DNAJC21: variants seen among roughly 807,000 people sequenced by gnomAD.
DNAJC21 encodes the protein DnaJ heat shock protein family (Hsp40) member C21.
In DNAJC21, 63 loss-of-function variants were observed where a neutral mutation model predicts 72.4. That is an observed-to-expected ratio of 0.87 (90% CI 0.71 to 1.07). The LOEUF (loss-of-function observed/expected upper bound fraction) is 1.07. DNAJC21 is among the 50% of genes least tolerant of loss of function. The pLI, the probability that DNAJC21 is intolerant of heterozygous loss-of-function variation, is 0.00. For synonymous variants in DNAJC21, 203 were observed against 216.7 expected, an observed-to-expected ratio of 0.94 and a Z score of 0.56; for missense variants, 634 against 644.8, an observed-to-expected ratio of 0.98 and a Z score of 0.18.
rs149607167 is a variant in DNAJC21, at chr5:34,955,406, A to G, written c.*692A>G. 1.4e-4 allele frequency: 22 copies of G among 152,378 alleles called. No individual in the cohort carries two copies. In the East Asian group the frequency reaches 4.0e-3, roughly 28 times the overall value. 9.4% of individuals were successfully genotyped at this position (152,378 alleles called of 1,614,324 possible). A position where few individuals can be genotyped will look rare whatever the true frequency, so the allele number is the denominator to read the frequency against. On this transcript the variant is annotated 3_prime_UTR_variant, in exon 12 of 12. Coordinates refer to ENST00000648817, the MANE Select transcript of DNAJC21 (RefSeq NM_001012339.3). ...GTGGAAGCAAATTAGTTTACATGGC[A>G]TGTCCTCCCTAGGCACAGTGACAGC...
chr5:34,941,868 T>C (rs1307556530), intron 7 of DNAJC21, among the ~76,000 whole-genome samples: 3 of 151,666 alleles, frequency 2.0e-5, no homozygotes, highest in East Asian at 1.9e-4. Flanking sequence ...CGCCTGGCCC[T>C]TGTGTTTTTT....
At position 34,956,386 on chromosome 5, in the gene DNAJC21, C is replaced by T. The variant is rs1765539934; in HGVS notation, c.*1672C>T. The T allele has an allele frequency of 6.6e-6, 1 of 152,028 alleles. No individual in the cohort carries two copies. Among genetic ancestry groups the T allele is most frequent in the African/African-American group, 2.4e-5 (1 of 41,360 alleles). The allele number at this position is 152,028 out of a possible 1,614,324, so 9.4% of individuals were successfully genotyped here. ...ATACCTTTCTATTTCTTGCTAATTTCTATCACTAATTCCTTATAATTGTCC... is the reference window on the plus strand; with the variant it reads ...ATACCTTTCTATTTCTTGCTAATTTTTATCACTAATTCCTTATAATTGTCC... On this transcript the variant is annotated 3_prime_UTR_variant, in exon 12 of 12. Transcript: ENST00000648817.
intron 8 of DNAJC21, 36 bp from the exon 9 acceptor site, chr5:34,945,725 C>T (rs201912501): frequency 2.9e-4 from 448 of 1,533,830 alleles, no homozygotes; most frequent in Non-Finnish European, 3.4e-4. Context: ...TTCACAGAGT[C>T]AAGTATTTGA....
chr5:34,929,755 T>G lies in DNAJC21; in HGVS notation c.-65T>G. 1 of 860,320 alleles carries G rather than the reference T, an allele frequency of 1.2e-6. No homozygotes were observed. Among genetic ancestry groups the G allele is most frequent in the Admixed American group, 6.2e-5 (1 of 16,142 alleles). The allele number at this position is 860,320 out of a possible 1,614,324, so 53.3% of individuals were successfully genotyped here. A position where few individuals can be genotyped will look rare whatever the true frequency, so the allele number is the denominator to read the frequency against. On this transcript the variant is annotated 5_prime_UTR_variant, in exon 1 of 12. Transcript: ENST00000648817. ...TGCCAGCGCCGCCGCCGCCGCCGCT[T>G]CGGCCCGGGCCCGGGCCCCGACCCC...
chr5:34,929,607 C>T lies in DNAJC21; in HGVS notation c.-213C>T. The stretch of plus-strand genomic sequence containing the variant: ...CCGCCCCCGCCGCGCTCCCGCTTGC[C>T]GCAGCCTGCGTCGTCTGCCGCCACC... On this transcript the variant is annotated 5_prime_UTR_variant, in exon 1 of 12. Coordinates refer to ENST00000648817, the MANE Select transcript of DNAJC21 (RefSeq NM_001012339.3). 6.5e-6 allele frequency: 1 copy of T among 154,600 alleles called. No individual in the cohort carries two copies. The highest frequency in any genetic ancestry group is 1.8e-4 in the South Asian group (1 of 5,692). The allele number at this position is 154,600 out of a possible 1,614,324, so 9.6% of individuals were successfully genotyped here. A position where few individuals can be genotyped will look rare whatever the true frequency, so the allele number is the denominator to read the frequency against.
Position 34,948,396 on chromosome 5 carries a change from A to G in DNAJC21, c.1186-1774A>G, listed in dbSNP as rs148705771. 4.6e-3 allele frequency among the ~76,000 whole-genome samples: 708 copies of G among 152,354 alleles called. 7 individuals carry two copies. The highest frequency in any genetic ancestry group is 0.016 in the African/African-American group (686 of 41,578). On this transcript the variant is annotated intron_variant, in intron 9 of 11. Transcript: ENST00000648817. ...GGAACGTGAGCCTAGAGCATCTTAT[A>G]CTAGAAACTAAGGAAGTGCTCAAAA... is the stretch of plus-strand genomic sequence containing the variant.
In DNAJC21 at chr5:34,954,097, C is replaced by T. The variant is rs977869386; in HGVS notation, c.1434+96C>T. 1.7e-5 allele frequency: 18 copies of T among 1,075,234 alleles called. 1 individual carries two copies. Among genetic ancestry groups the T allele is most frequent in the South Asian group, 1.2e-4 (6 of 49,540 alleles). 66.6% of individuals were successfully genotyped at this position (1,075,234 alleles called of 1,614,324 possible). A position where few individuals can be genotyped will look rare whatever the true frequency, so the allele number is the denominator to read the frequency against. On this transcript the variant is annotated intron_variant, in intron 11 of 11. Transcript: ENST00000648817. ...GAAATGTGTATTTGGTGAGCCATTCCGCAAAGAGCCTGCAAAGATGTGGAT... is the reference window on the plus strand; with the variant it reads ...GAAATGTGTATTTGGTGAGCCATTCTGCAAAGAGCCTGCAAAGATGTGGAT...
At chr5:34,949,379 A>G (rs1765279488) in intron 9 of DNAJC21, among the ~76,000 whole-genome samples, 1 of 152,190 alleles carries the variant, frequency 6.6e-6, no homozygotes, top group Non-Finnish European at 1.5e-5. Context: ...AAGGTACCTG[A>G]CAACTAAATG....
rs775119204 is a variant in DNAJC21, at chr5:34,954,563, T to C, written c.1445T>C (p.Ile482Thr). ...TTTTGCCCTTCTCAGAGTGTTCTTA[T>C]CAGCTGTACAACCTGCCATAGTGAA... ...PAEPQTMSVL[I>T]SCTTCHSEFP... The change falls in exon 12 of 12, where the codon ATC becomes ACC. Residue 482 changes from isoleucine (I) to threonine (T), a missense_variant. Transcript: ENST00000648817. 26 of 1,609,264 alleles carry C rather than the reference T, an allele frequency of 1.6e-5. No homozygotes were observed. The highest frequency in any genetic ancestry group is 1.7e-4 in the Middle Eastern group (1 of 6,056).
intron 2 of DNAJC21, among the ~76,000 whole-genome samples, chr5:34,934,310 C>T (rs1764697296): frequency 6.6e-6 from 1 of 151,838 alleles, no homozygotes; most frequent in South Asian, 2.1e-4. Context: ...CTCACTGCAA[C>T]CTCTGCCTCC....
At chr5:34,929,937 C>A in intron 1 of DNAJC21, 21 bp downstream of exon 1, 1 of 1,542,152 alleles carries the variant, frequency 6.5e-7, no homozygotes, top group Non-Finnish European at 8.8e-7. Flanking sequence ...GTCCCGCAGC[C>A]CCCGCGGCCA....
chr5:34,950,085 T>C lies in DNAJC21; in HGVS notation c.1186-85T>C, dbSNP rs182105640. ...GCTTCTCCTTTTTATTTCCCGAAGG[T>C]ATATAACTATTTGGCAACATAACAT... On this transcript the variant is annotated intron_variant, in intron 9 of 11. Transcript: ENST00000648817. 1.3e-4 allele frequency: 184 copies of C among 1,409,432 alleles called. No individual in the cohort carries two copies. In the African/African-American group the frequency reaches 2.5e-3, roughly 19 times the overall value. 87.3% of individuals were successfully genotyped at this position (1,409,432 alleles called of 1,614,324 possible).
At chr5:34,952,288 G>T in intron 10 of DNAJC21, 2 of 968,602 alleles carry the variant, frequency 2.1e-6, no homozygotes, top group Non-Finnish European at 2.5e-6. Context: ...ATGATAGTTT[G>T]AAAATTAGTA....
intron 11 of DNAJC21, 96 bp from the exon 12 acceptor site, chr5:34,954,457 T>A: frequency 7.2e-7 from 1 of 1,396,606 alleles, no homozygotes; most frequent in South Asian, 1.5e-5. Context: ...ATCTTTATTT[T>A]ACAATTGTTT....
intron 10 of DNAJC21, 178 bp downstream of exon 10, chr5:34,950,520 G>A: frequency 1.6e-6 from 2 of 1,251,906 alleles, no homozygotes; most frequent in African/African-American, 1.5e-5. Context: ...GCGTTGAGAA[G>A]AGGATGCTAG....
At chr5:34,930,976 CAG>C (rs1713063021) in intron 1 of DNAJC21, among the ~76,000 whole-genome samples, 1 of 151,820 alleles carries the variant, frequency 6.6e-6, no homozygotes, top group Non-Finnish European at 1.5e-5. Context: ...TTCCCCTTCT[CAG>C]AGGAGTTTGG....
In DNAJC21 at chr5:34,950,190, T is replaced by A; in HGVS notation, c.1206T>A (p.Asn402Lys). The change falls in exon 10 of 12, where the codon AAT becomes AAA. Residue 402 changes from asparagine to lysine, a missense_variant. By Grantham distance (94) the Asn-to-Lys change is moderately conservative (BLOSUM62 0). Coordinates refer to ENST00000648817, the MANE Select transcript of DNAJC21 (RefSeq NM_001012339.3). ...KPAQNYDDNF[N>K]VNGPGEGVKV... ...CCTAGAATTATGATGACAATTTCAA[T>A]GTAAATGGACCTGGAGAAGGAGTAA... The A allele has an allele frequency of 1.2e-6, 2 of 1,605,464 alleles. No homozygotes were observed. Among genetic ancestry groups the A allele is most frequent in the Non-Finnish European group, 1.7e-6 (2 of 1,177,352 alleles).
chr5:34,953,905 G>A (rs1410197579), intron 10 of DNAJC21, 21 bp from the exon 11 acceptor site: 7 of 1,592,630 alleles, frequency 4.4e-6, no homozygotes, highest in Non-Finnish European at 6.0e-6. Flanking sequence ...TTTGGATTAT[G>A]CTGAATTATT....
intron 1 of DNAJC21, among the ~76,000 whole-genome samples, chr5:34,931,337 A>G (rs1416574561): frequency 2.6e-5 from 4 of 152,232 alleles, no homozygotes. Flanking sequence ...AAAATTAATA[A>G]ATGTAAAAAT....
Sources: allele counts gnomAD v4.1 joint callset (sites outside exome capture counted in the v4.1 genomes callset), GRCh38; gene constraint gnomAD v4.1.1; transcripts MANE v1.5; gene names NCBI Gene and HGNC (gene_info 2026-07-23, HGNC 2026-07-21).